Variants in SLC28A3 observed in about 807,000 individuals in gnomAD.
SLC28A3 encodes solute carrier family 28 member 3.
A neutral mutation model predicts 84.2 loss-of-function variants in SLC28A3; 68 were observed. The observed-to-expected ratio is 0.81, with a 90% CI of 0.66 to 0.99. The LOEUF (loss-of-function observed/expected upper bound fraction) is 0.99, where lower values mean the gene tolerates loss of function less well. Among genes scored for constraint, SLC28A3 ranks in the 50% least tolerant of loss-of-function variants. The probability of loss-of-function intolerance (pLI) is 0.00; values close to 1 mark genes in which losing one functional copy is unlikely to be tolerated. For missense variants in SLC28A3, 712 were observed against 841.5 expected, an observed-to-expected ratio of 0.85 and a Z score of 1.90; for synonymous variants, 267 against 303.6, an observed-to-expected ratio of 0.88 and a Z score of 1.25.
the SLC28A3 span, among the ~76,000 whole-genome samples, chr9:84,366,925 T>TA: frequency 6.6e-6 from 1 of 152,198 alleles, no homozygotes; most frequent in Admixed American, 6.5e-5. Context: ...CCTGGGGCTC[T>TA]ACAGTCAACA....
chr9:84,319,103 A>C (rs138387572), intron 1 of SLC28A3, among the ~76,000 whole-genome samples: 1 of 152,312 alleles, frequency 6.6e-6, no homozygotes, highest in East Asian at 1.9e-4. Flanking sequence ...AGGCTACTTG[A>C]AGGGGAAGGA....
chr9:84,292,399 C>T (rs907750342), intron 10 of SLC28A3, among the ~76,000 whole-genome samples: 7 of 152,020 alleles, frequency 4.6e-5, no homozygotes, highest in African/African-American at 1.7e-4. Flanking sequence ...TCTCAAGAAC[C>T]CAATTCTACA....
chr9:84,315,905 T>C (rs1042981174), intron 1 of SLC28A3, among the ~76,000 whole-genome samples: 7 of 152,224 alleles, frequency 4.6e-5, no homozygotes, highest in African/African-American at 1.7e-4. Flanking sequence ...CAACCACGAC[T>C]GCGTTCTCAT....
chr9:84,298,925 G>A (rs988353162), intron 6 of SLC28A3, among the ~76,000 whole-genome samples: 9 of 152,290 alleles, frequency 5.9e-5, no homozygotes, highest in East Asian at 1.9e-4. Context: ...CTATGGCATC[G>A]GAGGCATAGA....
At position 84,283,452 on chromosome 9, in the gene SLC28A3, T is replaced by C. The variant is rs117494186; in HGVS notation, c.1647+1893A>G. Among the ~76,000 whole-genome samples, 815 of 152,346 alleles carry C rather than the reference T, an allele frequency of 5.3e-3. 4 individuals carry two copies. Among genetic ancestry groups the C allele is most frequent in the Non-Finnish European group, 8.0e-3 (545 of 68,030 alleles). On this transcript the variant is annotated intron_variant, in intron 14 of 17. Transcript: ENST00000376238. ...CAATAGAATACTATGTCACAGGCAC[T>C]GATGTGGAAAGGTACCTGAGACACA...
chr9:84,352,333 G>C, the SLC28A3 span, among the ~76,000 whole-genome samples: 1 of 151,678 alleles, frequency 6.6e-6, no homozygotes, highest in African/African-American at 2.4e-5. Context: ...ACAGGCACCC[G>C]CCATCACACC....
rs530990056 is a variant in SLC28A3 at position 84,277,909 on chromosome 9, A to G, written c.*309T>C. On this transcript the variant is annotated 3_prime_UTR_variant, in exon 18 of 18. Transcript: ENST00000376238. ...GCCCAGTTGTTGGGAGCGGCCGTTT[A>G]TAGCTGTATTCTGGTGAAATGCCTT... 22 of 291,880 alleles carry G rather than the reference A, an allele frequency of 7.5e-5. No individual in the cohort carries two copies. The East Asian group carries it at 1.5e-3, about 20-fold the overall frequency. 18.1% of individuals were successfully genotyped at this position (291,880 alleles called of 1,614,324 possible).
the SLC28A3 span, among the ~76,000 whole-genome samples, chr9:84,365,387 T>C: frequency 5.3e-5 from 8 of 152,230 alleles, no homozygotes; most frequent in African/African-American, 1.9e-4. Context: ...TTTTTTCCTA[T>C]AGAGTTGTTT....
At chr9:84,327,056 TC>T (rs1267639609) in intron 1 of SLC28A3, among the ~76,000 whole-genome samples, 88 of 127,770 alleles carry the variant, frequency 6.9e-4, no homozygotes, top group African/African-American at 4.4e-3. Context: ...TCAAAAAAAC[TC>T]TCTTAAAATC....
chr9:84,347,050 C>G, the SLC28A3 span, among the ~76,000 whole-genome samples: 1 of 151,922 alleles, frequency 6.6e-6, no homozygotes, highest in East Asian at 1.9e-4. Flanking sequence ...GTAGTGGGCA[C>G]CAGTAATCCC....
At chr9:84,360,299 C>T in the SLC28A3 span, among the ~76,000 whole-genome samples, 1 of 151,978 alleles carries the variant, frequency 6.6e-6, no homozygotes, top group Non-Finnish European at 1.5e-5. Flanking sequence ...ATTTTAATAA[C>T]TAGGCCACGG....
intron 14 of SLC28A3, among the ~76,000 whole-genome samples, chr9:84,285,116 G>A (rs892120958): frequency 6.6e-6 from 1 of 152,100 alleles, no homozygotes; most frequent in Non-Finnish European, 1.5e-5. Flanking sequence ...GATTATAGTG[G>A]CAATGATTAG....
intron 7 of SLC28A3, 149 bp from the exon 8 acceptor site, chr9:84,297,447 A>G (rs1359163589): frequency 1.5e-5 from 9 of 618,870 alleles, no homozygotes; most frequent in Non-Finnish European, 2.2e-5. Context: ...GCCCCCTCCA[A>G]TGAATGGTGT....
chr9:84,279,141 C>G lies in SLC28A3; in HGVS notation c.1949+124G>C, dbSNP rs1405078280. ...TGAGCGGAGATTGCGCCACTGCACT[C>G]CAGCCTGGGAGACAGAGCAAGACTC... On this transcript the variant is annotated intron_variant, in intron 17 of 17. Coordinates refer to ENST00000376238, the MANE Select transcript of SLC28A3 (RefSeq NM_001199633.2). The G allele has an allele frequency of 5.3e-6, 5 of 945,842 alleles. No homozygotes were observed. The Admixed American group carries it at 1.3e-4, about 26-fold the overall frequency. 58.6% of individuals were successfully genotyped at this position (945,842 alleles called of 1,614,324 possible).
chr9:84,288,001 C>G (rs770614264), intron 12 of SLC28A3, 47 bp downstream of exon 12: 4 of 1,610,852 alleles, frequency 2.5e-6, no homozygotes, highest in Non-Finnish European at 8.5e-7. Context: ...TGGAGTCCCC[C>G]GCCCCGGCTT....
intron 3 of SLC28A3, among the ~76,000 whole-genome samples, chr9:84,306,505 T>C (rs1444604278): frequency 6.6e-6 from 1 of 152,214 alleles, no homozygotes; most frequent in Non-Finnish European, 1.5e-5. Flanking sequence ...TGTGTTTTGT[T>C]ATGAACCCAT....
rs189404125 is a variant in SLC28A3, at chr9:84,292,149, G to A, written c.1023+519C>T. The stretch of plus-strand genomic sequence containing the variant: ...GTATTTACGCAGTTGCATGGTTGTT[G>A]GTGGAAAGGCTTTCTTGGTCTCCTC... On this transcript the variant is annotated intron_variant, in intron 10 of 17. Transcript: ENST00000376238. Among the ~76,000 whole-genome samples, 15 of 152,282 alleles carry A rather than the reference G, an allele frequency of 9.9e-5. No individual in the cohort carries two copies. In the East Asian group the frequency reaches 2.9e-3, roughly 29 times the overall value.
the SLC28A3 span, among the ~76,000 whole-genome samples, chr9:84,362,473 A>T: frequency 1.3e-5 from 2 of 152,092 alleles, no homozygotes; most frequent in Non-Finnish European, 2.9e-5. Context: ...CTCTACTAAA[A>T]ATACAAAAAT....
intron 1 of SLC28A3, among the ~76,000 whole-genome samples, chr9:84,331,820 G>A (rs539254558): frequency 6.6e-6 from 1 of 152,228 alleles, no homozygotes; most frequent in Non-Finnish European, 1.5e-5. Context: ...TTTGACCTCT[G>A]TTGCTGTTAA....
Sources: gnomAD v4.1 joint callset for allele counts (sites outside exome capture counted in the v4.1 genomes callset) on GRCh38, gnomAD v4.1.1 for gene constraint, MANE v1.5 for transcripts, NCBI Gene and HGNC (gene_info 2026-07-23, HGNC 2026-07-21) for gene names.